The following PDE10A variants were observed in gnomAD, a reference collection of about 807,000 sequenced individuals.
The protein encoded by PDE10A is cAMP and cAMP-inhibited cGMP 3',5'-cyclic phosphodiesterase 10A.
Under a neutral mutation model 97.7 loss-of-function variants are expected in PDE10A, and 39 were observed. The observed-to-expected ratio is 0.40, with a 90% CI of 0.31 to 0.52. The LOEUF is 0.52. PDE10A is among the 20% of genes least tolerant of loss of function. PDE10A has a pLI of 0.56. For missense variants in PDE10A, 731 were observed against 1,047.8 expected, an observed-to-expected ratio of 0.70 and a Z score of 4.17; for synonymous variants, 371 against 376.8, an observed-to-expected ratio of 0.98 and a Z score of 0.18.
chr6:165,458,963 T>C (rs1444666183), intron 3 of PDE10A, among the ~76,000 whole-genome samples: 1 of 151,658 alleles, frequency 6.6e-6, no homozygotes, highest in African/African-American at 2.4e-5. Flanking sequence ...ACATATGCTA[T>C]TTAGGCATCA....
At chr6:165,686,669 C>T (rs557387531) in intron 1 of PDE10A, among the ~76,000 whole-genome samples, 1 of 152,336 alleles carries the variant, frequency 6.6e-6, no homozygotes, top group South Asian at 2.1e-4. Flanking sequence ...GGTTCTTTTG[C>T]TTCCAACATT....
rs796242957 is a variant in PDE10A, at chr6:165,327,939, C to G, written c.*5086G>C. The stretch of plus-strand genomic sequence containing the variant: ...ATTATCAACAGCAAACTCTTAGATG[C>G]CTTAGCTACGTTATGGATCTAGGAT... On this transcript the variant is annotated 3_prime_UTR_variant, in exon 22 of 22. Transcript: ENST00000539869. 5 of 152,270 alleles carry G rather than the reference C, an allele frequency of 3.3e-5. No individual in the cohort carries two copies. The highest frequency in any genetic ancestry group is 1.2e-4 in the African/African-American group (5 of 41,546). The allele number at this position is 152,270 out of a possible 1,614,324, so 9.4% of individuals were successfully genotyped here.
rs1784389519 is a variant in PDE10A at position 165,962,459 on chromosome 6, C to A, written c.-615+25070G>T. The stretch of plus-strand genomic sequence containing the variant: ...TTTCACCATTTGGCTACTCATTCAG[C>A]TTCGCTCGGCTGCAGAATTCAGGTG... On this transcript the variant is annotated intron_variant, in intron 1 of 19. Transcript: ENST00000366882. Among the ~76,000 whole-genome samples, 4 of 152,242 alleles carry A rather than the reference C, an allele frequency of 2.6e-5. No individual in the cohort carries two copies. In the South Asian group the frequency reaches 8.3e-4, roughly 32 times the overall value.
Position 165,715,794 on chromosome 6 carries a change from G to A in PDE10A, c.-614-172226C>T, listed in dbSNP as rs1213009282. On this transcript the variant is annotated intron_variant, in intron 1 of 19. Transcript: ENST00000366882. Reference sequence around the variant, plus strand: ...GGGGGACGTCCCTCTTCCGGGCACCGTGGTCAGAAGGCAGGGGTTAGACCC... The same window carrying A: ...GGGGGACGTCCCTCTTCCGGGCACCATGGTCAGAAGGCAGGGGTTAGACCC... 2.6e-5 allele frequency among the ~76,000 whole-genome samples: 4 copies of A among 152,174 alleles called. No homozygotes were observed. The South Asian group carries it at 6.2e-4, about 24-fold the overall frequency.
chr6:165,481,234 CCT>C (rs767441085), intron 3 of PDE10A, among the ~76,000 whole-genome samples: 6 of 152,268 alleles, frequency 3.9e-5, no homozygotes, highest in Non-Finnish European at 7.4e-5. Context: ...TAGGTCCACC[CCT>C]CTGTCACTTC....
intron 2 of PDE10A, among the ~76,000 whole-genome samples, chr6:165,509,097 GTA>G (rs1781363952): frequency 6.6e-6 from 1 of 151,806 alleles, no homozygotes; most frequent in African/African-American, 2.4e-5. Flanking sequence ...ATGTCAAAGC[GTA>G]TATTCATACT....
At chr6:165,681,077 G>T (rs2128439399) in intron 1 of PDE10A, among the ~76,000 whole-genome samples, 1 of 152,288 alleles carries the variant, frequency 6.6e-6, no homozygotes, top group South Asian at 2.1e-4. Context: ...AGTATGTATA[G>T]GAGACTGTCC....
chr6:165,841,871 A>G (rs1233523508), intron 1 of PDE10A, among the ~76,000 whole-genome samples: 2 of 152,240 alleles, frequency 1.3e-5, no homozygotes, highest in Non-Finnish European at 2.9e-5. Flanking sequence ...AGTTATCTCA[A>G]CTATGAATAT....
At chr6:165,455,596 T>C (rs905777443) in intron 3 of PDE10A, among the ~76,000 whole-genome samples, 3 of 152,244 alleles carry the variant, frequency 2.0e-5, no homozygotes, top group Non-Finnish European at 2.9e-5. Context: ...ATTAGGCTTT[T>C]ACCTGTGGTA....
chr6:165,741,809 T>G (rs1015093030), intron 1 of PDE10A, among the ~76,000 whole-genome samples: 1 of 152,174 alleles, frequency 6.6e-6, no homozygotes, highest in Non-Finnish European at 1.5e-5. Flanking sequence ...CTTTAATGAT[T>G]TACTTTATGA....
chr6:165,933,710 T>A (rs1783223436), intron 1 of PDE10A, among the ~76,000 whole-genome samples: 1 of 152,182 alleles, frequency 6.6e-6, no homozygotes. Flanking sequence ...TATACACATC[T>A]TTTGGTACAG....
chr6:165,530,276 TGTGTGTGTGTG>T (rs1386745147), intron 2 of PDE10A, among the ~76,000 whole-genome samples: 1 of 20,706 alleles, frequency 4.8e-5, no homozygotes, highest in Non-Finnish European at 4.8e-4. Flanking sequence ...TATATGTGTG[TGTGTGTGTGTG>T]TGTGTGTGTG....
At position 165,915,162 on chromosome 6, in the gene PDE10A, C is replaced by T. The variant is rs148262310; in HGVS notation, c.-615+72367G>A. Among the ~76,000 whole-genome samples, 18 of 152,120 alleles carry T rather than the reference C, an allele frequency of 1.2e-4. No homozygotes were observed. The East Asian group carries it at 1.4e-3, about 12-fold the overall frequency. ...AATTTTCTTTCATGAATGGAAAATG[C>T]GTCGTCAAACTGCTTGTGTACAACT... On this transcript the variant is annotated intron_variant, in intron 1 of 19. Coordinates refer to the PDE10A transcript ENST00000366882.
At chr6:165,879,931 G>A (rs1205163202) in intron 1 of PDE10A, among the ~76,000 whole-genome samples, 2 of 145,320 alleles carry the variant, frequency 1.4e-5, no homozygotes, top group Admixed American at 6.9e-5. Flanking sequence ...CTCGGGGGGG[G>A]ACACTCTTTA....
intron 1 of PDE10A, among the ~76,000 whole-genome samples, chr6:165,637,547 T>C (rs1406864348): frequency 6.6e-6 from 1 of 152,208 alleles, no homozygotes; most frequent in Non-Finnish European, 1.5e-5. Flanking sequence ...TCAAAATTCA[T>C]TCCATACATT....
chr6:165,427,343 G>C (rs1789238608), intron 10 of PDE10A, among the ~76,000 whole-genome samples: 1 of 152,120 alleles, frequency 6.6e-6, no homozygotes, highest in Non-Finnish European at 1.5e-5. Flanking sequence ...AAAACAGTAT[G>C]CTAGGTGAAA....
At chr6:165,592,714 G>A (rs530800994) in intron 1 of PDE10A, among the ~76,000 whole-genome samples, 66 of 152,146 alleles carry the variant, frequency 4.3e-4, no homozygotes, top group African/African-American at 1.4e-3. Context: ...AGCATCACTC[G>A]TCATTAGAGA....
At chr6:165,447,672 C>T (rs758818091) in intron 5 of PDE10A, among the ~76,000 whole-genome samples, 6 of 152,118 alleles carry the variant, frequency 3.9e-5, no homozygotes, top group Non-Finnish European at 5.9e-5. Flanking sequence ...TTGTTATTTT[C>T]GTAGCTTAGC....
rs549833044 is a variant in PDE10A, at chr6:165,439,512, A to G, written c.1195-4135T>C. Among the ~76,000 whole-genome samples, 6 of 152,318 alleles carry G rather than the reference A, an allele frequency of 3.9e-5. No individual in the cohort carries two copies. In the South Asian group the frequency reaches 1.2e-3, roughly 32 times the overall value. ...TTAGCACTTGAGAGTTCCAGAGGTG[A>G]TGGTGACCACTAGTCCCTCCACCTC... On this transcript the variant is annotated intron_variant, in intron 5 of 21. Coordinates refer to ENST00000539869, the MANE Select transcript of PDE10A (RefSeq NM_001385079.1).
Sources: allele counts gnomAD v4.1 joint callset (sites outside exome capture counted in the v4.1 genomes callset), GRCh38; gene constraint gnomAD v4.1.1; transcripts MANE v1.5; gene names NCBI Gene and HGNC (gene_info 2026-07-23, HGNC 2026-07-21).